The following INVS variants were observed in gnomAD, a reference collection of about 807,000 sequenced individuals.
INVS encodes the protein inversion of embryo turning homolog.
In INVS, 86 loss-of-function variants were observed where a neutral mutation model predicts 108.8. The observed-to-expected ratio is 0.79, with a 90% CI of 0.66 to 0.95. INVS has a LOEUF of 0.95. Among genes scored for constraint, INVS ranks in the 40% least tolerant of loss-of-function variants. INVS has a pLI of 0.00. For synonymous variants in INVS, 455 were observed against 473.5 expected (o/e 0.96, Z 0.51); for missense variants, 1,169 against 1,297.4 (o/e 0.90, Z 1.52).
chr9:100,297,842 A>G, intron 15 of INVS, 94 bp from the exon 16 acceptor site: 1 of 1,264,862 alleles, frequency 7.9e-7, no homozygotes, highest in South Asian at 1.2e-5. Context: ...CACACCTGCA[A>G]GCTCAAGCCT....
intron 3 of INVS, among the ~76,000 whole-genome samples, chr9:100,205,620 T>G (rs1427325839): frequency 6.6e-6 from 1 of 151,988 alleles, no homozygotes; most frequent in Non-Finnish European, 1.5e-5. Context: ...TGTCTTAACT[T>G]TAATCTCTAG....
At chr9:100,100,073 T>C (rs559096255) in intron 1 of INVS, among the ~76,000 whole-genome samples, 17 of 152,310 alleles carry the variant, frequency 1.1e-4, no homozygotes, top group African/African-American at 3.6e-4. Context: ...TCTAGTTTTG[T>C]ACGGTTATAA....
chr9:100,146,945 T>C (rs956746946), intron 3 of INVS, among the ~76,000 whole-genome samples: 1 of 141,548 alleles, frequency 7.1e-6, no homozygotes, highest in Admixed American at 7.4e-5. Flanking sequence ...CATTTGATTG[T>C]CCTTCATCAA....
At chr9:100,272,160 G>T (rs536893459) in intron 11 of INVS, among the ~76,000 whole-genome samples, 1 of 152,216 alleles carries the variant, frequency 6.6e-6, no homozygotes, top group African/African-American at 2.4e-5. Context: ...GAGCCTCTGC[G>T]CCCAGCCCTT....
chr9:100,245,262 T>G (rs1170498874), intron 7 of INVS, among the ~76,000 whole-genome samples: 2 of 152,070 alleles, frequency 1.3e-5, no homozygotes, highest in East Asian at 3.8e-4. Flanking sequence ...GGTCCTAATT[T>G]TTTTTGTTGT....
At chr9:100,139,862 C>T (rs1311878687) in intron 3 of INVS, among the ~76,000 whole-genome samples, 1 of 152,170 alleles carries the variant, frequency 6.6e-6, no homozygotes, top group Non-Finnish European at 1.5e-5. Flanking sequence ...GGGCTGGTCT[C>T]AAACTCCTGA....
At chr9:100,152,169 A>G (rs1295631071) in intron 3 of INVS, among the ~76,000 whole-genome samples, 1 of 152,166 alleles carries the variant, frequency 6.6e-6, no homozygotes, top group Non-Finnish European at 1.5e-5. Flanking sequence ...ATTTGTTTAC[A>G]TGTTTTATTT....
At chr9:100,213,283 C>T (rs888572324) in intron 3 of INVS, among the ~76,000 whole-genome samples, 4 of 152,112 alleles carry the variant, frequency 2.6e-5, no homozygotes, top group Non-Finnish European at 4.4e-5. Context: ...GGCTCCTTAT[C>T]ATAACATATT....
At chr9:100,162,285 G>C (rs1382346111) in intron 3 of INVS, among the ~76,000 whole-genome samples, 1 of 152,154 alleles carries the variant, frequency 6.6e-6, no homozygotes, top group East Asian at 1.9e-4. Context: ...ACATAAAAGT[G>C]GCTTAGATGA....
intron 5 of INVS, among the ~76,000 whole-genome samples, chr9:100,239,534 A>G (rs910660670): frequency 5.9e-5 from 9 of 152,222 alleles, no homozygotes; most frequent in Admixed American, 1.3e-4. Flanking sequence ...GATAATCAGT[A>G]TGTAATGGTT....
At chr9:100,214,635 C>T (rs1428378686) in intron 3 of INVS, among the ~76,000 whole-genome samples, 5 of 152,208 alleles carry the variant, frequency 3.3e-5, no homozygotes, top group Non-Finnish European at 5.9e-5. Context: ...CCCTTTGCTT[C>T]CATGTATACA....
chr9:100,163,531 G>A (rs1050285591), intron 3 of INVS, among the ~76,000 whole-genome samples: 1 of 151,962 alleles, frequency 6.6e-6, no homozygotes, highest in African/African-American at 2.4e-5. Flanking sequence ...TTTTGTTGGT[G>A]GGAAACAAAC....
chr9:100,166,186 G>A (rs1457719731), intron 3 of INVS, among the ~76,000 whole-genome samples: 1 of 152,130 alleles, frequency 6.6e-6, no homozygotes, highest in Non-Finnish European at 1.5e-5. Flanking sequence ...CAGAACCAGG[G>A]TTCAAATATG....
chr9:100,154,830 C>G (rs1157726769), intron 3 of INVS, among the ~76,000 whole-genome samples: 2 of 152,082 alleles, frequency 1.3e-5, no homozygotes, highest in Admixed American at 6.6e-5. Context: ...GTAGAGGACA[C>G]AGGGATCGAA....
intron 1 of INVS, chr9:100,101,300 G>A (rs1826983411): frequency 6.6e-6 from 1 of 151,602 alleles, no homozygotes; most frequent in Non-Finnish European, 1.5e-5. Flanking sequence ...GCATTTTACA[G>A]AAACCTAGAA....
chr9:100,167,042 C>A (rs188442520), intron 3 of INVS, among the ~76,000 whole-genome samples: 14 of 152,172 alleles, frequency 9.2e-5, no homozygotes, highest in Admixed American at 9.2e-4. Flanking sequence ...ACCAGCCTGG[C>A]CAACATGGCG....
At chr9:100,242,456 C>G in intron 6 of INVS, 114 bp from the exon 7 acceptor site, 2 of 678,024 alleles carry the variant, frequency 2.9e-6, no homozygotes, top group Middle Eastern at 4.0e-4. Flanking sequence ...GTTCAGAAAC[C>G]GTTGTGAATG....
chr9:100,235,434 G>A (rs541122134), intron 5 of INVS, among the ~76,000 whole-genome samples: 20 of 152,144 alleles, frequency 1.3e-4, no homozygotes, highest in African/African-American at 4.1e-4. Context: ...TATTTTGTAC[G>A]CTAGTTGATA....
intron 3 of INVS, among the ~76,000 whole-genome samples, chr9:100,146,264 A>G (rs1828610113): frequency 6.6e-6 from 1 of 151,030 alleles, no homozygotes; most frequent in Non-Finnish European, 1.5e-5. Flanking sequence ...TTGGGTAGGT[A>G]AAGGAAAATT....
Sources: gnomAD v4.1 joint callset for allele counts (sites outside exome capture counted in the v4.1 genomes callset) on GRCh38, gnomAD v4.1.1 for gene constraint, MANE v1.5 for transcripts, NCBI Gene and HGNC (gene_info 2026-07-23, HGNC 2026-07-21) for gene names.